The following ABCA13 variants were observed in gnomAD, a reference collection of about 807,000 sequenced individuals.
ABCA13 encodes ATP-binding cassette sub-family A member 13.
Under a neutral mutation model 478.7 loss-of-function variants are expected in ABCA13, and 476 were observed. The ratio of observed to expected loss-of-function variants is 0.99; its 90% confidence interval spans 0.92 to 1.07. The LOEUF (loss-of-function observed/expected upper bound fraction) is 1.07, where lower values mean the gene tolerates loss of function less well. ABCA13 is among the 50% of genes least tolerant of loss of function. The pLI, the probability that ABCA13 is intolerant of heterozygous loss-of-function variation, is 0.00. For synonymous variants in ABCA13, 2,252 were observed against 2,158.9 expected, an observed-to-expected ratio of 1.04 and a Z score of -1.20; for missense variants, 6,060 against 5,910.6, an observed-to-expected ratio of 1.03 and a Z score of -0.83.
At chr7:48,611,510 G>A (rs1391225699) in intron 58 of ABCA13, among the ~76,000 whole-genome samples, 1 of 152,206 alleles carries the variant, frequency 6.6e-6, no homozygotes, top group Non-Finnish European at 1.5e-5. Flanking sequence ...CAGGAAGCAT[G>A]GCTAGGGAGG....
intron 23 of ABCA13, among the ~76,000 whole-genome samples, chr7:48,301,479 GA>G (rs1381795474): frequency 6.6e-6 from 1 of 151,812 alleles, no homozygotes; most frequent in African/African-American, 2.4e-5. Flanking sequence ...AGTTCTTGGT[GA>G]AACTCATTTC....
At chr7:48,457,449 C>T (rs1825802088) in intron 43 of ABCA13, among the ~76,000 whole-genome samples, 2 of 152,138 alleles carry the variant, frequency 1.3e-5, no homozygotes, top group Non-Finnish European at 2.9e-5. Flanking sequence ...TAGCCATTCA[C>T]TTTCTCTACT....
At chr7:48,424,764 T>C (rs1821185912) in intron 41 of ABCA13, among the ~76,000 whole-genome samples, 1 of 152,222 alleles carries the variant, frequency 6.6e-6, no homozygotes, top group African/African-American at 2.4e-5. Context: ...GTCTGTGTGA[T>C]TCAGTGTGAG....
chr7:48,626,760 T>C (rs1000456815), intron 59 of ABCA13: 125 of 985,388 alleles, frequency 1.3e-4, no homozygotes, highest in Non-Finnish European at 1.4e-4. Flanking sequence ...CATGGAAAGA[T>C]AGTGATGTCT....
In ABCA13 at chr7:48,644,765, T is replaced by A; in HGVS notation, c.15081+11T>A. 6.3e-7 allele frequency: 1 copy of A among 1,575,926 alleles called. No individual in the cohort carries two copies. Among genetic ancestry groups the A allele is most frequent in the East Asian group, 2.2e-5 (1 of 44,464 alleles). On this transcript the variant is annotated intron_variant, in intron 61 of 61. Coordinates refer to ENST00000435803, the MANE Select transcript of ABCA13 (RefSeq NM_152701.5). ...ACCACTTTGGAGCAGGTATAGTATC[T>A]TGAATGATTCAGGAGGTTGAATTTT...
In ABCA13 at chr7:48,481,104, C is replaced by T. The variant is rs1828709597; in HGVS notation, c.13044C>T (p.Leu4348=). 1 of 1,601,338 alleles carries T rather than the reference C, an allele frequency of 6.2e-7. No homozygotes were observed. The highest frequency in any genetic ancestry group is 1.7e-5 in the Admixed American group (1 of 58,570). The change falls in exon 46 of 62, where the codon CTC becomes CTT. Residue 4348 remains leucine, a synonymous_variant. Coordinates refer to ENST00000435803, the MANE Select transcript of ABCA13 (RefSeq NM_152701.5). ...TNHLGHTLLN[L]SGFNMEEYLL... ...ACCTGGGCCACACACTGTTGAATCT[C>T]TCAGGCTTCAATATGGAGGAGTACT...
chr7:48,338,417 T>C lies in ABCA13; in HGVS notation c.10166T>C (p.Ile3389Thr), dbSNP rs570495356. 12 of 1,602,992 alleles carry C rather than the reference T, an allele frequency of 7.5e-6. No individual in the cohort carries two copies. Among genetic ancestry groups the C allele is most frequent in the Non-Finnish European group, 1.0e-5 (12 of 1,174,308 alleles). The change falls in exon 29 of 62, where the codon ATT becomes ACT. Residue 3389 changes from isoleucine to threonine, a missense_variant. Physicochemically the swap from Ile to Thr is moderately conservative, Grantham distance 89. Coordinates refer to ENST00000435803, the MANE Select transcript of ABCA13 (RefSeq NM_152701.5). ...AACTTTGTAGAAAACCAGTTGCACA[T>C]TGATGTAGACAAACTTACTGAAAAA... ...VRNFVENQLH[I>T]DVDKLTEKLQ...
intron 27 of ABCA13, among the ~76,000 whole-genome samples, chr7:48,322,808 A>C (rs1284604267): frequency 6.6e-6 from 1 of 152,180 alleles, no homozygotes; most frequent in Non-Finnish European, 1.5e-5. Flanking sequence ...TACACAGAAC[A>C]GTTCCATTGC....
rs200845368 is a variant in ABCA13, at chr7:48,580,351, A to T, written c.14482A>T (p.Ile4828Phe). The change falls in exon 56 of 62, where the codon ATT becomes TTT. Residue 4828 changes from isoleucine to phenylalanine, a missense_variant. Coordinates refer to ENST00000435803, the MANE Select transcript of ABCA13 (RefSeq NM_152701.5). ...HLYYYCSLRG[I>F]PRQCIPEVAG... ...CTATTATTACTGTAGCTTACGCGGGATTCCAAGGCAGTGCATCCCTGAGGT... is the reference window on the plus strand; with the variant it reads ...CTATTATTACTGTAGCTTACGCGGGTTTCCAAGGCAGTGCATCCCTGAGGT... 2.4e-4 allele frequency: 392 copies of T among 1,612,722 alleles called. 1 individual carries two copies. The highest frequency in any genetic ancestry group is 3.1e-4 in the Non-Finnish European group (364 of 1,179,412).
intron 45 of ABCA13, among the ~76,000 whole-genome samples, chr7:48,472,490 A>G (rs1337391286): frequency 6.6e-6 from 1 of 152,216 alleles, no homozygotes; most frequent in Admixed American, 6.5e-5. Flanking sequence ...AGCTCAAGTG[A>G]AATGGCCTTA....
intron 1 of ABCA13, among the ~76,000 whole-genome samples, chr7:48,178,807 C>G (rs1795241991): frequency 6.6e-6 from 1 of 151,088 alleles, no homozygotes; most frequent in Non-Finnish European, 1.5e-5. Context: ...TTCTCATTTA[C>G]CAATTCGACT....
chr7:48,334,105 G>A (rs1805831753), intron 27 of ABCA13, among the ~76,000 whole-genome samples: 1 of 152,102 alleles, frequency 6.6e-6, no homozygotes, highest in Admixed American at 6.5e-5. Context: ...TATTTTGGCT[G>A]GGGATTTTAA....
At chr7:48,509,314 G>T (rs1332294737) in intron 50 of ABCA13, among the ~76,000 whole-genome samples, 3 of 152,136 alleles carry the variant, frequency 2.0e-5, no homozygotes, top group South Asian at 2.1e-4. Flanking sequence ...GTCCAGTTTT[G>T]TTCCCTGTGC....
intron 47 of ABCA13, among the ~76,000 whole-genome samples, chr7:48,487,965 G>A (rs567523793): frequency 1.3e-5 from 2 of 152,256 alleles, no homozygotes; most frequent in South Asian, 2.1e-4. Context: ...TGTCTATGTT[G>A]CTGTAGTTTT....
chr7:48,492,827 A>G, intron 48 of ABCA13, among the ~76,000 whole-genome samples: 1 of 152,018 alleles, frequency 6.6e-6, no homozygotes, highest in East Asian at 1.9e-4. Flanking sequence ...GGAGTTCGAG[A>G]CCAGCCTGGC....
At chr7:48,310,499 G>A (rs1801611382) in intron 24 of ABCA13, among the ~76,000 whole-genome samples, 1 of 152,140 alleles carries the variant, frequency 6.6e-6, no homozygotes, top group Non-Finnish European at 1.5e-5. Flanking sequence ...CCACCTCCCT[G>A]GAGCATGTTT....
intron 10 of ABCA13, among the ~76,000 whole-genome samples, chr7:48,244,173 C>A (rs147607675): frequency 6.6e-6 from 1 of 152,260 alleles, no homozygotes; most frequent in African/African-American, 2.4e-5. Flanking sequence ...GGGACCACTG[C>A]GATGGGTCCT....
chr7:48,458,237 C>G (rs1051505695), intron 43 of ABCA13, among the ~76,000 whole-genome samples: 1 of 152,186 alleles, frequency 6.6e-6, no homozygotes, highest in African/African-American at 2.4e-5. Context: ...AATCTTGGCA[C>G]AGGAATGATT....
chr7:48,432,110 A>G (rs1425092715), intron 42 of ABCA13, among the ~76,000 whole-genome samples: 1 of 152,158 alleles, frequency 6.6e-6, no homozygotes, highest in Non-Finnish European at 1.5e-5. Flanking sequence ...TACATTATAT[A>G]TAACCCAGTT....
Sources: allele counts gnomAD v4.1 joint callset (sites outside exome capture counted in the v4.1 genomes callset), GRCh38; gene constraint gnomAD v4.1.1; transcripts MANE v1.5; gene names NCBI Gene and HGNC (gene_info 2026-07-23, HGNC 2026-07-21).